DCDC1: variants seen among roughly 807,000 people sequenced by gnomAD.
DCDC1 encodes doublecortin domain-containing protein 1.
In DCDC1, 200 loss-of-function variants were observed where a neutral mutation model predicts 178.3. The observed-to-expected ratio is 1.12, with a 90% CI of 1.00 to 1.26. The LOEUF (loss-of-function observed/expected upper bound fraction) is 1.26, where lower values mean the gene tolerates loss of function less well. Ranked by LOEUF, DCDC1 falls within the 50% of genes most tolerant of loss-of-function variation. DCDC1 has a pLI of 0.00. For missense variants in DCDC1, 1,983 were observed against 1,749.2 expected (o/e 1.13, Z -2.38); for synonymous variants, 690 against 604.8 (o/e 1.14, Z -2.07).
intron 20 of DCDC1, among the ~76,000 whole-genome samples, chr11:30,969,910 G>A (rs961491995): frequency 1.3e-5 from 2 of 152,132 alleles, no homozygotes; most frequent in Admixed American, 1.3e-4. Flanking sequence ...GACTTGACTA[G>A]AGGTATCTGG....
chr11:30,961,645 C>T (rs1949105387), intron 20 of DCDC1, among the ~76,000 whole-genome samples: 1 of 151,650 alleles, frequency 6.6e-6, no homozygotes, highest in African/African-American at 2.4e-5. Flanking sequence ...TCCGTAGAAA[C>T]AGTGAAGAGG....
At chr11:30,885,485 G>A (rs777033300) in intron 36 of DCDC1, among the ~76,000 whole-genome samples, 2 of 151,844 alleles carry the variant, frequency 1.3e-5, no homozygotes, top group Non-Finnish European at 2.9e-5. Flanking sequence ...TTAATAAAAT[G>A]CTTTTATCAA....
intron 9 of DCDC1, among the ~76,000 whole-genome samples, chr11:31,222,019 C>T (rs539175323): frequency 6.6e-6 from 1 of 152,064 alleles, no homozygotes; most frequent in Non-Finnish European, 1.5e-5. Flanking sequence ...AGTTCTTTGC[C>T]ACTTTATAAG....
At chr11:30,909,290 T>A (rs1482904388) in intron 28 of DCDC1, among the ~76,000 whole-genome samples, 174 bp from the exon 29 acceptor site, 2 of 152,156 alleles carry the variant, frequency 1.3e-5, no homozygotes, top group Non-Finnish European at 2.9e-5. Context: ...TATATGTTTA[T>A]AAATACACAT....
At chr11:31,185,024 G>C (rs546651700) in intron 9 of DCDC1, among the ~76,000 whole-genome samples, 74 of 152,324 alleles carry the variant, frequency 4.9e-4, no homozygotes, top group Admixed American at 2.7e-3. Flanking sequence ...GCCCATCAAT[G>C]ATAGACTGGA....
At chr11:30,969,414 C>T (rs1949654236) in intron 20 of DCDC1, among the ~76,000 whole-genome samples, 1 of 152,140 alleles carries the variant, frequency 6.6e-6, no homozygotes, top group African/African-American at 2.4e-5. Context: ...AGCTGAGAGG[C>T]AAGGAATGTA....
At chr11:31,071,765 G>A (rs970966211) in intron 18 of DCDC1, among the ~76,000 whole-genome samples, 1 of 152,104 alleles carries the variant, frequency 6.6e-6, no homozygotes, top group African/African-American at 2.4e-5. Context: ...CTTCTGTTTT[G>A]CTCTTTTGTT....
chr11:30,918,605 G>A (rs1029669569), intron 25 of DCDC1, among the ~76,000 whole-genome samples: 1 of 152,102 alleles, frequency 6.6e-6, no homozygotes, highest in African/African-American at 2.4e-5. Context: ...CAATAGAAAG[G>A]GGCCAGCCAT....
chr11:30,868,568 G>A (rs529488142), intron 38 of DCDC1, among the ~76,000 whole-genome samples: 2 of 152,192 alleles, frequency 1.3e-5, no homozygotes, highest in African/African-American at 4.8e-5. Context: ...GCTCTATAGA[G>A]AGGGTGAAGT....
chr11:31,030,241 C>T (rs774108533), intron 20 of DCDC1, among the ~76,000 whole-genome samples: 2 of 151,960 alleles, frequency 1.3e-5, no homozygotes, highest in African/African-American at 2.4e-5. Context: ...TTGCAATAAG[C>T]CTCATTTACT....
At chr11:31,113,434 C>T (rs942024559) in intron 11 of DCDC1, among the ~76,000 whole-genome samples, 33 of 132,002 alleles carry the variant, frequency 2.5e-4, no homozygotes, top group Non-Finnish European at 4.3e-4. Context: ...TGCTATACCT[C>T]CCCCCTCCCC....
intron 2 of DCDC1, among the ~76,000 whole-genome samples, chr11:31,329,677 G>A (rs1212071746): frequency 6.6e-6 from 1 of 152,118 alleles, no homozygotes; most frequent in Non-Finnish European, 1.5e-5. Context: ...GTGATAGTTT[G>A]CTCAGAATGA....
At chr11:31,248,518 T>A (rs1943738009) in intron 8 of DCDC1, among the ~76,000 whole-genome samples, 1 of 152,178 alleles carries the variant, frequency 6.6e-6, no homozygotes, top group South Asian at 2.1e-4. Context: ...GGAATAATAA[T>A]AATACCCAGA....
At chr11:31,179,254 C>A (rs781223696) in intron 9 of DCDC1, among the ~76,000 whole-genome samples, 10 of 152,152 alleles carry the variant, frequency 6.6e-5, no homozygotes, top group Non-Finnish European at 1.2e-4. Context: ...TTGAAAACTA[C>A]TACTACACTA....
At chr11:31,094,270 A>G (rs1037665615) in intron 15 of DCDC1, 86 bp from the exon 16 acceptor site, 3 of 705,738 alleles carry the variant, frequency 4.3e-6, no homozygotes, top group Non-Finnish European at 7.7e-6. Context: ...AAGTTATCCT[A>G]GAACATTATT....
chr11:31,280,814 A>C (rs1299338677), intron 7 of DCDC1: 11 of 618,842 alleles, frequency 1.8e-5, no homozygotes, highest in Middle Eastern at 3.1e-4. Context: ...TCCCCAGGTG[A>C]TGCCTTTGTT....
intron 20 of DCDC1, among the ~76,000 whole-genome samples, chr11:30,994,729 TTATATATTTATTTAATAAATATATAA>T (rs1404462727): frequency 6.9e-6 from 1 of 144,356 alleles, no homozygotes; most frequent in Non-Finnish European, 1.5e-5. Context: ...TTATAATATA[TTATATATTTATTTAATAAATATATAA>T]TATATTTGTT....
chr11:30,952,546 T>G lies in DCDC1; in HGVS notation c.2614A>C (p.Thr872Pro). Residue 872 changes from threonine (T) to proline (P), a missense_variant, in exon 21 of 39, where the codon ACC (threonine) becomes CCC (proline). Physicochemically the swap from Thr to Pro is conservative, Grantham distance 38. Transcript: ENST00000684477. ...TGTTTCCACTGGCCTGGCTTACTGG[T>G]TCCTTCATGTTTTATGGCCCACCTA... ...AQRWAIKHEG[T>P]SKPGQWKHSR... is the part of the protein sequence containing the mutation. The G allele has an allele frequency of 6.6e-7, 1 of 1,516,272 alleles. No homozygotes were observed. Among genetic ancestry groups the G allele is most frequent in the Non-Finnish European group, 9.0e-7 (1 of 1,111,914 alleles). 93.9% of individuals were successfully genotyped at this position (1,516,272 alleles called of 1,614,324 possible). A position where few individuals can be genotyped will look rare whatever the true frequency, so the allele number is the denominator to read the frequency against.
intron 36 of DCDC1, chr11:30,882,373 C>A (rs903981118): frequency 6.6e-6 from 1 of 152,114 alleles, no homozygotes; most frequent in Non-Finnish European, 1.5e-5. Flanking sequence ...AAAATATATT[C>A]CCCTCTATAG....
Sources: gnomAD v4.1 joint callset for allele counts (sites outside exome capture counted in the v4.1 genomes callset) on GRCh38, gnomAD v4.1.1 for gene constraint, MANE v1.5 for transcripts, NCBI Gene and HGNC (gene_info 2026-07-23, HGNC 2026-07-21) for gene names.